Variants in PLCB1 observed in about 807,000 individuals in gnomAD.
PLCB1 encodes phospholipase C beta 1.
In PLCB1, 46 loss-of-function variants were observed where a neutral mutation model predicts 161.8. The observed-to-expected ratio is 0.28, with a 90% confidence interval of 0.22 to 0.36. The LOEUF (loss-of-function observed/expected upper bound fraction) is 0.36. Among genes scored for constraint, PLCB1 ranks in the 10% least tolerant of loss-of-function variants. The probability of loss-of-function intolerance (pLI) is 1.00; values close to 1 mark genes in which losing one functional copy is unlikely to be tolerated. For synonymous variants in PLCB1, 517 were observed against 503.7 expected (o/e 1.03, Z -0.35); for missense variants, 1,016 against 1,472.5 (o/e 0.69, Z 5.07).
intron 3 of PLCB1, among the ~76,000 whole-genome samples, chr20:8,605,217 T>C (rs990594140): frequency 3.3e-5 from 5 of 152,134 alleles, no homozygotes; most frequent in Admixed American, 3.3e-4. Flanking sequence ...TGAACACATA[T>C]CACACATATA....
intron 3 of PLCB1, among the ~76,000 whole-genome samples, chr20:8,380,718 A>G (rs1039917708): frequency 6.6e-6 from 1 of 151,978 alleles, no homozygotes; most frequent in Non-Finnish European, 1.5e-5. Context: ...TGTGAATGGG[A>G]GTTCATTCAT....
chr20:8,684,872 A>ATT, intron 9 of PLCB1, 60 bp from the exon 10 acceptor site: 1 of 1,248,136 alleles, frequency 8.0e-7, no homozygotes. Context: ...AAAAAAAAAG[A>ATT]GGCGACTTGA....
chr20:8,624,128 C>T (rs550950243), intron 3 of PLCB1, among the ~76,000 whole-genome samples: 86 of 152,278 alleles, frequency 5.6e-4, no homozygotes, highest in Middle Eastern at 3.4e-3. Context: ...CTGAATCACA[C>T]GAATCTCACT....
chr20:8,579,420 C>T (rs527934979), intron 3 of PLCB1, among the ~76,000 whole-genome samples: 2 of 152,310 alleles, frequency 1.3e-5, no homozygotes, highest in East Asian at 1.9e-4. Flanking sequence ...AAGGCAAGCA[C>T]GACCATGCAG....
chr20:8,535,660 G>C (rs1208865245), intron 3 of PLCB1, among the ~76,000 whole-genome samples: 1 of 152,078 alleles, frequency 6.6e-6, no homozygotes, highest in Non-Finnish European at 1.5e-5. Flanking sequence ...GTAGCTCCAA[G>C]GTTCATAAAC....
At chr20:8,879,920 G>A (rs1423305881) in intron 31 of PLCB1, among the ~76,000 whole-genome samples, 1 of 152,082 alleles carries the variant, frequency 6.6e-6, no homozygotes, top group African/African-American at 2.4e-5. Context: ...AAGTAGAACT[G>A]GGGGCTGAGA....
chr20:8,847,707 C>G (rs867355730), intron 31 of PLCB1, among the ~76,000 whole-genome samples: 22 of 152,148 alleles, frequency 1.4e-4, no homozygotes, highest in Admixed American at 7.2e-4. Flanking sequence ...CAGAGGTTCC[C>G]ACAACACTGT....
intron 4 of PLCB1, among the ~76,000 whole-genome samples, chr20:8,635,241 G>A (rs1269582936): frequency 6.6e-6 from 1 of 151,936 alleles, no homozygotes; most frequent in African/African-American, 2.4e-5. Flanking sequence ...CAATAAATGC[G>A]AGAGGTGTGA....
intron 2 of PLCB1, among the ~76,000 whole-genome samples, chr20:8,198,655 C>CT (rs985457863): frequency 2.0e-5 from 3 of 151,846 alleles, no homozygotes; most frequent in East Asian, 1.9e-4. Context: ...TATTTCTTTT[C>CT]TTTTTTTTAT....
chr20:8,245,447 C>T (rs549867450), intron 2 of PLCB1, among the ~76,000 whole-genome samples: 1 of 151,970 alleles, frequency 6.6e-6, no homozygotes, highest in South Asian at 2.1e-4. Flanking sequence ...CATGGAAATT[C>T]CTGTAAGTCA....
rs114194929 is a variant in PLCB1, at chr20:8,394,626, C to T, written c.246+23176C>T. Among the ~76,000 whole-genome samples the T allele has an allele frequency of 3.3e-3, 507 of 152,202 alleles. 4 individuals carry two copies. Among genetic ancestry groups the T allele is most frequent in the African/African-American group, 0.012 (489 of 41,538 alleles). Reference sequence around the variant, plus strand: ...CTATTTCTCAGGGTTATTGTGAGGACTAAAGGCCATAACATATATTTCATA... The same window carrying T: ...CTATTTCTCAGGGTTATTGTGAGGATTAAAGGCCATAACATATATTTCATA... On this transcript the variant is annotated intron_variant, in intron 3 of 31. Transcript: ENST00000338037.
At chr20:8,577,182 C>T (rs374923489) in intron 3 of PLCB1, among the ~76,000 whole-genome samples, 7 of 152,088 alleles carry the variant, frequency 4.6e-5, no homozygotes, top group African/African-American at 1.7e-4. Flanking sequence ...GTAATCCCAG[C>T]ACTTTGGGAG....
chr20:8,407,601 G>A (rs1177476109), intron 3 of PLCB1, among the ~76,000 whole-genome samples: 2 of 152,154 alleles, frequency 1.3e-5, no homozygotes, highest in Non-Finnish European at 2.9e-5. Flanking sequence ...AATAGCATGG[G>A]AAAGACAGGC....
At chr20:8,688,727 A>G (rs971224322) in intron 10 of PLCB1, among the ~76,000 whole-genome samples, 1 of 152,146 alleles carries the variant, frequency 6.6e-6, no homozygotes, top group Non-Finnish European at 1.5e-5. Context: ...TGCCAGTACC[A>G]CACTGTTTTG....
intron 2 of PLCB1, among the ~76,000 whole-genome samples, chr20:8,209,534 T>G (rs1485196649): frequency 6.6e-6 from 1 of 152,192 alleles, no homozygotes; most frequent in Non-Finnish European, 1.5e-5. Flanking sequence ...TTCCTTAAAC[T>G]TATTTGTTTT....
intron 31 of PLCB1, among the ~76,000 whole-genome samples, chr20:8,796,385 G>A (rs957186569): frequency 1.3e-5 from 2 of 152,172 alleles, no homozygotes; most frequent in South Asian, 4.1e-4. Context: ...CTGTGTTTGG[G>A]AGAGAAAAGG....
intron 31 of PLCB1, chr20:8,802,357 G>T: frequency 1.9e-6 from 1 of 518,376 alleles, no homozygotes; most frequent in South Asian, 3.2e-5. Context: ...CCTTCCTCTG[G>T]TATTAATTTC....
intron 2 of PLCB1, among the ~76,000 whole-genome samples, chr20:8,158,547 T>C (rs1019533968): frequency 1.3e-5 from 2 of 152,168 alleles, no homozygotes; most frequent in Non-Finnish European, 2.9e-5. Flanking sequence ...AAACAAATCA[T>C]GCCTTTCCAA....
intron 31 of PLCB1, among the ~76,000 whole-genome samples, chr20:8,875,482 A>G (rs1003673902): frequency 9.4e-5 from 13 of 138,798 alleles, no homozygotes; most frequent in African/African-American, 3.4e-4. Flanking sequence ...TTTATATTAT[A>G]AAATATTTAT....
Sources: allele counts gnomAD v4.1 joint callset (sites outside exome capture counted in the v4.1 genomes callset), GRCh38; gene constraint gnomAD v4.1.1; transcripts MANE v1.5; gene names NCBI Gene and HGNC (gene_info 2026-07-23, HGNC 2026-07-21).